Variants in INTS10 observed in about 807,000 individuals in gnomAD.
INTS10 encodes the protein chromosome 8 open reading frame 35.
In INTS10, 44 loss-of-function variants were observed where a neutral mutation model predicts 94.4. The ratio of observed to expected loss-of-function variants is 0.47; its 90% CI spans 0.37 to 0.60. The LOEUF (loss-of-function observed/expected upper bound fraction) is 0.60. Among genes scored for constraint, INTS10 ranks in the 20% least tolerant of loss-of-function variants. The pLI is 0.00. For synonymous variants in INTS10, 341 were observed against 320.7 expected (o/e 1.06, Z -0.68); for missense variants, 797 against 868.7 (o/e 0.92, Z 1.04).
In INTS10 at chr8:19,830,376, T is replaced by C. The variant is rs768994389; in HGVS notation, c.1141-30T>C. 1.1e-5 allele frequency: 17 copies of C among 1,591,692 alleles called. No homozygotes were observed. In the South Asian group the frequency reaches 1.8e-4, roughly 17 times the overall value. On this transcript the variant is annotated intron_variant, in intron 9 of 16. Coordinates refer to ENST00000397977, the MANE Select transcript of INTS10 (RefSeq NM_018142.4). ...ATATATGACTATATTTATAACTGAA[T>C]TAACCATGTTCTCCACATTCTTTAA... is the stretch of plus-strand genomic sequence containing the variant.
intron 10 of INTS10, among the ~76,000 whole-genome samples, chr8:19,831,749 A>C (rs1158841423): frequency 6.6e-6 from 1 of 152,182 alleles, no homozygotes; most frequent in Non-Finnish European, 1.5e-5. Context: ...CTTAAAAGAT[A>C]AATGAGGAAA....
At chr8:19,841,109 T>A (rs2068090626) in intron 13 of INTS10, among the ~76,000 whole-genome samples, 1 of 152,118 alleles carries the variant, frequency 6.6e-6, no homozygotes, top group Non-Finnish European at 1.5e-5. Context: ...TAGATGACAT[T>A]AAAATTCAGT....
At chr8:19,826,041 CTTATT>C (rs2128763939) in intron 8 of INTS10, among the ~76,000 whole-genome samples, 1 of 152,154 alleles carries the variant, frequency 6.6e-6, no homozygotes, top group South Asian at 2.1e-4. Flanking sequence ...AAGCTTCTCC[CTTATT>C]TTAAGAATTC....
intron 5 of INTS10, among the ~76,000 whole-genome samples, chr8:19,822,948 C>CAAA (rs150654357): frequency 1.7e-5 from 2 of 119,182 alleles, no homozygotes; most frequent in Non-Finnish European, 1.8e-5. Flanking sequence ...GACTCTGTCT[C>CAAA]AAAAAAAAAA....
At chr8:19,845,587 G>T (rs534840331) in intron 15 of INTS10, 117 bp from the exon 16 acceptor site, 39 of 704,722 alleles carry the variant, frequency 5.5e-5, no homozygotes, top group Non-Finnish European at 9.5e-5. Context: ...GAGAGAACTG[G>T]CACCTTTTTT....
At position 19,823,248 on chromosome 8, in the gene INTS10, A is replaced by C. The variant is rs2066526953; in HGVS notation, c.524-53A>C. 2.1e-5 allele frequency: 30 copies of C among 1,410,906 alleles called. No homozygotes were observed. In the South Asian group the frequency reaches 3.5e-4, roughly 17 times the overall value. 87.4% of individuals were successfully genotyped at this position (1,410,906 alleles called of 1,614,324 possible). On this transcript the variant is annotated intron_variant, in intron 5 of 16. Coordinates refer to ENST00000397977, the MANE Select transcript of INTS10 (RefSeq NM_018142.4). The stretch of plus-strand genomic sequence containing the variant: ...TCTGAAAGCTTTTGTATTTATCGGA[A>C]CTCTAGGGTAGACAACCTAATTAAT...
chr8:19,850,201 G>C (rs1159849121), intron 16 of INTS10, among the ~76,000 whole-genome samples: 1 of 152,044 alleles, frequency 6.6e-6, no homozygotes, highest in Non-Finnish European at 1.5e-5. Context: ...GTCTGCAAGT[G>C]CCAGTAACCT....
At position 19,817,685 on chromosome 8, in the gene INTS10, A is replaced by G; in HGVS notation, c.129+19A>G. The G allele has an allele frequency of 6.3e-7, 1 of 1,597,122 alleles. No individual in the cohort carries two copies. Among genetic ancestry groups the G allele is most frequent in the Non-Finnish European group, 8.5e-7 (1 of 1,172,720 alleles). ...CATCCAGGTGAGGTCCCGGCTGTGC[A>G]TGCGGCCGCTCTGCGTGGAGGTGCG... On this transcript the variant is annotated intron_variant, in intron 1 of 16. Coordinates refer to ENST00000397977, the MANE Select transcript of INTS10 (RefSeq NM_018142.4).
intron 9 of INTS10, among the ~76,000 whole-genome samples, chr8:19,826,955 G>T (rs1200324938): frequency 6.6e-6 from 1 of 152,222 alleles, no homozygotes; most frequent in Non-Finnish European, 1.5e-5. Context: ...GCAGGGTGCA[G>T]TGTGGGGTAC....
At chr8:19,829,087 G>C (rs1175311678) in intron 9 of INTS10, among the ~76,000 whole-genome samples, 1 of 152,118 alleles carries the variant, frequency 6.6e-6, no homozygotes, top group African/African-American at 2.4e-5. Flanking sequence ...GGAGCTTTTA[G>C]TGACAGTAGT....
chr8:19,818,207 C>T (rs761353306), intron 1 of INTS10, 68 bp from the exon 2 acceptor site: 20 of 1,493,052 alleles, frequency 1.3e-5, no homozygotes, highest in Middle Eastern at 1.7e-4. Flanking sequence ...GGCCAACGAG[C>T]GATGCTGGAT....
intron 9 of INTS10, 100 bp from the exon 10 acceptor site, chr8:19,830,306 T>C: frequency 9.9e-7 from 1 of 1,005,702 alleles, no homozygotes; most frequent in South Asian, 2.1e-5. Flanking sequence ...TCCTTTGATA[T>C]AAAATTCATA....
At chr8:19,845,916 C>T (rs2068542702) in intron 16 of INTS10, 119 bp downstream of exon 16, 17 of 642,484 alleles carry the variant, frequency 2.6e-5, no homozygotes, top group Non-Finnish European at 2.8e-6. Flanking sequence ...TAAACCTGGT[C>T]TCTGTTATGA....
chr8:19,824,203 C>T, intron 7 of INTS10, 159 bp downstream of exon 7: 3 of 561,154 alleles, frequency 5.3e-6, no homozygotes, highest in Non-Finnish European at 6.2e-6. Flanking sequence ...TTTATCAAAA[C>T]ATTTCTGACT....
intron 8 of INTS10, 122 bp from the exon 9 acceptor site, chr8:19,826,304 A>T: frequency 1.1e-6 from 1 of 950,912 alleles, no homozygotes; most frequent in African/African-American, 1.7e-5. Flanking sequence ...CTGGTTTTGA[A>T]CTCCCGAGCT....
intron 4 of INTS10, 82 bp from the exon 5 acceptor site, chr8:19,822,357 A>T (rs2066444714): frequency 2.9e-6 from 2 of 684,710 alleles, no homozygotes; most frequent in Non-Finnish European, 5.0e-6. Context: ...TGTGATAAGT[A>T]AAAAAAATAC....
At chr8:19,830,665 C>T (rs1399860663) in intron 10 of INTS10, 106 bp downstream of exon 10, 1 of 1,055,716 alleles carries the variant, frequency 9.5e-7, no homozygotes, top group African/African-American at 1.6e-5. Flanking sequence ...TACAGTAGTT[C>T]ATGCATTTTT....
chr8:19,842,380 G>A (rs769315884), intron 13 of INTS10, among the ~76,000 whole-genome samples: 38 of 152,258 alleles, frequency 2.5e-4, no homozygotes, highest in Middle Eastern at 3.4e-3. Context: ...TGTTGTTTAC[G>A]TGTGTAACAG....
chr8:19,842,503 T>C (rs34311148), intron 13 of INTS10, among the ~76,000 whole-genome samples: 1 of 151,962 alleles, frequency 6.6e-6, no homozygotes, highest in South Asian at 2.1e-4. Flanking sequence ...ATTATTGATA[T>C]TAGAAATGTT....
Sources: gnomAD v4.1 joint callset for allele counts (sites outside exome capture counted in the v4.1 genomes callset) on GRCh38, gnomAD v4.1.1 for gene constraint, MANE v1.5 for transcripts, NCBI Gene and HGNC (gene_info 2026-07-23, HGNC 2026-07-21) for gene names.